ITGB8: variants seen among roughly 807,000 people sequenced by gnomAD.
ITGB8 encodes integrin subunit beta 8, also known as integrin beta-8.
ITGB8 carries 30 observed loss-of-function variants against 89.5 expected under a neutral mutation model. The ratio of observed to expected loss-of-function variants is 0.34; its 90% CI spans 0.25 to 0.45. The LOEUF (loss-of-function observed/expected upper bound fraction) is 0.45. Ranked by LOEUF, ITGB8 falls within the 20% of genes least tolerant of loss-of-function variation. ITGB8 has a pLI of 1.00. For synonymous variants in ITGB8, 335 were observed against 320.4 expected (o/e 1.05, Z -0.49); for missense variants, 836 against 933.3 (o/e 0.90, Z 1.36).
Position 20,412,038 on chromosome 7 carries a change from C to T in ITGB8, c.*2041C>T, listed in dbSNP as rs1787781532. 6.6e-6 allele frequency: 1 copy of T among 152,514 alleles called. No individual in the cohort carries two copies. Among genetic ancestry groups the T allele is most frequent in the African/African-American group, 2.4e-5 (1 of 41,396 alleles). The allele number at this position is 152,514 out of a possible 1,614,324, so 9.4% of individuals were successfully genotyped here. ...GAAATATCTTTTTTTTTATAATAAA[C>T]TTCCAAGATTTGCTGTCTTCCAGCA... On this transcript the variant is annotated 3_prime_UTR_variant, in exon 14 of 14. Transcript: ENST00000222573.
intron 6 of ITGB8, among the ~76,000 whole-genome samples, chr7:20,385,558 A>G (rs1433254869): frequency 6.6e-6 from 1 of 152,190 alleles, no homozygotes; most frequent in Admixed American, 6.5e-5. Context: ...TATAGCATGG[A>G]GGCAGAATTG....
chr7:20,348,416 G>C (rs933527663), intron 1 of ITGB8, among the ~76,000 whole-genome samples: 1 of 152,218 alleles, frequency 6.6e-6, no homozygotes, highest in Admixed American at 6.5e-5. Context: ...CCATGTTTTA[G>C]AGTTCTTGAA....
At chr7:20,371,210 A>G (rs1345603535) in intron 3 of ITGB8, among the ~76,000 whole-genome samples, 5 of 152,204 alleles carry the variant, frequency 3.3e-5, no homozygotes, top group African/African-American at 1.2e-4. Flanking sequence ...GGCAAAACCA[A>G]AATCGAAGAA....
chr7:20,374,330 C>T (rs1215042960), intron 3 of ITGB8, among the ~76,000 whole-genome samples: 2 of 152,078 alleles, frequency 1.3e-5, no homozygotes, highest in Admixed American at 6.6e-5. Context: ...TATGTGCCAA[C>T]TACAGAGGCT....
At chr7:20,370,543 A>C (rs574419976) in intron 3 of ITGB8, among the ~76,000 whole-genome samples, 128 of 151,022 alleles carry the variant, frequency 8.5e-4, no homozygotes, top group African/African-American at 2.9e-3. Context: ...TATTGAAGGA[A>C]TACATCATCT....
intron 1 of ITGB8, among the ~76,000 whole-genome samples, chr7:20,357,430 ATCTT>A (rs761899398): frequency 3.4e-4 from 52 of 152,342 alleles, no homozygotes; most frequent in Non-Finnish European, 5.1e-4. Flanking sequence ...GACACATAAC[ATCTT>A]TCTTTGTTTT....
At position 20,408,320 on chromosome 7, in the gene ITGB8, C is replaced by CCATTCCAG. The variant is rs562285086; in HGVS notation, c.2024-1294_2024-1287dup. Among the ~76,000 whole-genome samples, 245 of 151,654 alleles carry CCATTCCAG rather than the reference C, an allele frequency of 1.6e-3. 1 individual carries two copies. The highest frequency in any genetic ancestry group is 5.7e-3 in the African/African-American group (236 of 41,270). On this transcript the variant is annotated intron_variant, in intron 12 of 13. Transcript: ENST00000222573. ...AGACCTGCACTGGCATTTGGTGTTTCCATTCCAGTTGTAGCACTGGGATAG... is the reference window on the plus strand; with the variant it reads ...AGACCTGCACTGGCATTTGGTGTTTCCATTCCAGCATTCCAGTTGTAGCACTGGGATAG...
At chr7:20,368,503 G>A (rs370603266) in intron 3 of ITGB8, among the ~76,000 whole-genome samples, 12 of 151,936 alleles carry the variant, frequency 7.9e-5, no homozygotes, top group South Asian at 2.1e-4. Context: ...AACATTTTCC[G>A]TAAGCTGTTA....
intron 3 of ITGB8, among the ~76,000 whole-genome samples, chr7:20,369,263 G>C (rs1785832513): frequency 6.6e-6 from 1 of 152,190 alleles, no homozygotes; most frequent in Admixed American, 6.5e-5. Flanking sequence ...CTCTTAGTCT[G>C]TTTGGCTGCT....
intron 1 of ITGB8, among the ~76,000 whole-genome samples, chr7:20,359,407 A>G (rs1360826440): frequency 1.2e-4 from 19 of 152,242 alleles, no homozygotes; most frequent in Admixed American, 1.2e-3. Flanking sequence ...AGCAACTGCA[A>G]TCATAAAGTG....
At chr7:20,375,258 A>G (rs996205227) in intron 3 of ITGB8, among the ~76,000 whole-genome samples, 3 of 151,944 alleles carry the variant, frequency 2.0e-5, no homozygotes, top group African/African-American at 7.3e-5. Flanking sequence ...AATTATAACT[A>G]TTTTCCTCAA....
rs147680908 is a variant in ITGB8 at position 20,344,063 on chromosome 7, A to G, written c.127+12130A>G. 3.2e-4 allele frequency among the ~76,000 whole-genome samples: 48 copies of G among 152,208 alleles called. No homozygotes were observed. The East Asian group carries it at 3.3e-3, about 10-fold the overall frequency. On this transcript the variant is annotated intron_variant, in intron 1 of 13. Transcript: ENST00000222573. ...TGCATTTCACATTGGACTAGTTGCT[A>G]TGGGGACAGAGAGGAAGTAAGGTAT...
At chr7:20,361,292 G>A (rs557323017) in intron 1 of ITGB8, among the ~76,000 whole-genome samples, 12 of 152,308 alleles carry the variant, frequency 7.9e-5, no homozygotes, top group African/African-American at 2.9e-4. Flanking sequence ...TTTCAGTTGA[G>A]TCAAGGCTAC....
At chr7:20,380,410 A>G (rs1343303206) in intron 4 of ITGB8, 7 of 395,282 alleles carry the variant, frequency 1.8e-5, no homozygotes, top group South Asian at 1.7e-4. Context: ...TAACTGTCCT[A>G]TATTAAAAAA....
At chr7:20,360,008 T>G (rs888139339) in intron 1 of ITGB8, among the ~76,000 whole-genome samples, 6 of 152,160 alleles carry the variant, frequency 3.9e-5, no homozygotes, top group Admixed American at 2.6e-4. Context: ...TGGGATCTTT[T>G]TTCCTGTAGC....
Position 20,404,634 on chromosome 7 carries a change from G to C in ITGB8, c.1694G>C (p.Gly565Ala). The C allele has an allele frequency of 6.2e-7, 1 of 1,613,664 alleles. No homozygotes were observed. The highest frequency in any genetic ancestry group is 8.5e-7 in the Non-Finnish European group (1 of 1,179,760). Residue 565 changes from glycine (G) to alanine (A), a missense_variant, in exon 11 of 14, where the codon GGA becomes GCA. Physicochemically the swap from Gly to Ala is moderately conservative, Grantham distance 60. Around this residue, in one of 5 missense-constraint regions of ITGB8, gnomAD observed 422 missense variants for 416.9 expected, o/e 1.01. Coordinates refer to ENST00000222573, the MANE Select transcript of ITGB8 (RefSeq NM_002214.3). ...TGCGGTGTCTTCCTCACAGGGCATG[G>C]AGAGTGTGAAGCAGGCAGATGCCAA... ...YHHGNLCAGH[G>A]ECEAGRCQCF...
At chr7:20,397,820 G>A (rs950508032) in intron 8 of ITGB8, among the ~76,000 whole-genome samples, 11 of 152,182 alleles carry the variant, frequency 7.2e-5, no homozygotes, top group African/African-American at 1.9e-4. Context: ...CAGTAAGCAC[G>A]TGTTTCTTTG....
intron 12 of ITGB8, among the ~76,000 whole-genome samples, chr7:20,407,556 G>A (rs1326130839): frequency 6.6e-6 from 1 of 152,134 alleles, no homozygotes; most frequent in African/African-American, 2.4e-5. Flanking sequence ...GCACAAAAGA[G>A]TAAACTTTCT....
intron 1 of ITGB8, among the ~76,000 whole-genome samples, chr7:20,343,372 T>C (rs1784824811): frequency 6.6e-6 from 1 of 152,208 alleles, no homozygotes; most frequent in Non-Finnish European, 1.5e-5. Flanking sequence ...AAGGAAGTTT[T>C]CTCTGGCCCT....
Sources: gnomAD v4.1 joint callset for allele counts (sites outside exome capture counted in the v4.1 genomes callset) on GRCh38, gnomAD v4.1.1 for gene constraint, gnomAD v4.1.1 regional missense constraint, MANE v1.5 for transcripts, NCBI Gene and HGNC (gene_info 2026-07-23, HGNC 2026-07-21) for gene names.